RXFP1: variants seen among roughly 807,000 people sequenced by gnomAD.
RXFP1 encodes relaxin receptor 1.
Under a neutral mutation model 89.8 loss-of-function variants are expected in RXFP1, and 73 were observed. The ratio of observed to expected loss-of-function variants is 0.81; its 90% CI spans 0.67 to 0.99. RXFP1 has a LOEUF of 0.99. Among genes scored for constraint, RXFP1 ranks in the 50% least tolerant of loss-of-function variants. The probability of loss-of-function intolerance (pLI) is 0.00; values close to 1 mark genes in which losing one functional copy is unlikely to be tolerated. For synonymous variants in RXFP1, 277 were observed against 305.5 expected (o/e 0.91, Z 0.97); for missense variants, 793 against 895.5 (o/e 0.89, Z 1.46).
chr4:158,569,388 A>G (rs1239822950), intron 1 of RXFP1, among the ~76,000 whole-genome samples: 1 of 152,240 alleles, frequency 6.6e-6, no homozygotes, highest in African/African-American at 2.4e-5. Context: ...CATAGAATGT[A>G]TAACATCAAC....
intron 1 of RXFP1, among the ~76,000 whole-genome samples, chr4:158,547,897 G>A (rs563383195): frequency 1.7e-4 from 26 of 152,208 alleles, no homozygotes; most frequent in African/African-American, 5.8e-4. Context: ...GAATAGCTGT[G>A]GTGTGGTGCT....
chr4:158,545,253 A>C (rs1354904822), intron 1 of RXFP1, among the ~76,000 whole-genome samples: 1 of 152,000 alleles, frequency 6.6e-6, no homozygotes, highest in South Asian at 2.1e-4. Flanking sequence ...TCTTCTTTTG[A>C]GAAGTGTCTG....
intron 11 of RXFP1, among the ~76,000 whole-genome samples, chr4:158,632,259 T>A (rs1397276485): frequency 6.6e-6 from 1 of 152,210 alleles, no homozygotes; most frequent in African/African-American, 2.4e-5. Flanking sequence ...TTATAATATT[T>A]ATCACATTAT....
At chr4:158,562,361 A>G (rs902870117) in intron 1 of RXFP1, among the ~76,000 whole-genome samples, 1 of 150,662 alleles carries the variant, frequency 6.6e-6, no homozygotes, top group Non-Finnish European at 1.5e-5. Context: ...CGTCTCTACT[A>G]AAAATACAAA....
chr4:158,562,197 A>G (rs966536824), intron 1 of RXFP1, among the ~76,000 whole-genome samples: 1 of 152,184 alleles, frequency 6.6e-6, no homozygotes, highest in Non-Finnish European at 1.5e-5. Context: ...ACATTAAAAT[A>G]TAATGCCAAC....
In RXFP1 at chr4:158,565,094, G is replaced by T. The variant is rs76984727; in HGVS notation, c.50-7604G>T. ...GGGCTGGTGCCTGGTCCTAAACAGG[G>T]TGGGGAGAGTGCTCATGTAAGTGAG... On this transcript the variant is annotated intron_variant, in intron 1 of 17. Coordinates refer to ENST00000307765, the MANE Select transcript of RXFP1 (RefSeq NM_021634.4). Among the ~76,000 whole-genome samples, 950 of 152,312 alleles carry T rather than the reference G, an allele frequency of 6.2e-3. 33 individuals are homozygous for T. The highest frequency in any genetic ancestry group is 0.049 in the East Asian group (253 of 5,172).
At chr4:158,594,285 T>C (rs1302544319) in intron 3 of RXFP1, among the ~76,000 whole-genome samples, 1 of 152,160 alleles carries the variant, frequency 6.6e-6, no homozygotes, top group Non-Finnish European at 1.5e-5. Context: ...TTCAGGGCCC[T>C]GTTCAAATCA....
intron 1 of RXFP1, among the ~76,000 whole-genome samples, chr4:158,532,084 C>G (rs1415828650): frequency 6.6e-6 from 1 of 152,066 alleles, no homozygotes; most frequent in East Asian, 1.9e-4. Context: ...ATTTTCCCCC[C>G]CTCCTCCCCT....
At chr4:158,570,063 C>T (rs1754707858) in intron 1 of RXFP1, among the ~76,000 whole-genome samples, 1 of 152,136 alleles carries the variant, frequency 6.6e-6, no homozygotes, top group Non-Finnish European at 1.5e-5. Flanking sequence ...TTAGCTTGGA[C>T]ACTCAAACAT....
chr4:158,567,759 AACAG>A (rs1753930262), intron 1 of RXFP1, among the ~76,000 whole-genome samples: 1 of 152,146 alleles, frequency 6.6e-6, no homozygotes, highest in Non-Finnish European at 1.5e-5. Flanking sequence ...ACCCTGTCAA[AACAG>A]ACCAATCAGC....
chr4:158,522,069 TG>T, intron 1 of RXFP1, 44 bp downstream of exon 1: 1 of 1,175,116 alleles, frequency 8.5e-7, no homozygotes. Flanking sequence ...TAGTATTTTG[TG>T]GAATAACCAC....
At chr4:158,584,100 A>C (rs1228437644) in intron 2 of RXFP1, among the ~76,000 whole-genome samples, 2 of 152,166 alleles carry the variant, frequency 1.3e-5, no homozygotes, top group African/African-American at 4.8e-5. Flanking sequence ...TGTTCGAAGA[A>C]TGAGTACTGA....
At chr4:158,585,283 G>A (rs1203213970) in intron 2 of RXFP1, among the ~76,000 whole-genome samples, 2 of 152,206 alleles carry the variant, frequency 1.3e-5, no homozygotes, top group African/African-American at 4.8e-5. Context: ...AGAGGATGCA[G>A]CATTTCCCAA....
At chr4:158,540,642 AC>A (rs1252108358) in intron 1 of RXFP1, among the ~76,000 whole-genome samples, 1 of 149,838 alleles carries the variant, frequency 6.7e-6, no homozygotes, top group African/African-American at 2.5e-5. Context: ...TATTTTACCA[AC>A]CCCAATGCCT....
chr4:158,544,824 C>A (rs984846804), intron 1 of RXFP1, among the ~76,000 whole-genome samples: 3 of 152,198 alleles, frequency 2.0e-5, no homozygotes, highest in Non-Finnish European at 2.9e-5. Flanking sequence ...ATATGTGCCA[C>A]ATTTTCTTAA....
intron 6 of RXFP1, among the ~76,000 whole-genome samples, chr4:158,608,401 C>T (rs143556348): frequency 1.9e-3 from 279 of 146,098 alleles, no homozygotes; most frequent in African/African-American, 6.7e-3. Context: ...AATTCTCTGC[C>T]TCAGCCTCCC....
chr4:158,643,395 C>T (rs1320206231), intron 14 of RXFP1, among the ~76,000 whole-genome samples: 1 of 151,474 alleles, frequency 6.6e-6, no homozygotes, highest in Admixed American at 6.6e-5. Flanking sequence ...CATGGGGGTG[C>T]AGATATCTCT....
At chr4:158,627,724 A>G (rs977920431) in intron 10 of RXFP1, among the ~76,000 whole-genome samples, 3 of 152,126 alleles carry the variant, frequency 2.0e-5, no homozygotes, top group African/African-American at 7.2e-5. Context: ...AATGAGTTCC[A>G]GTTTGAACTC....
intron 11 of RXFP1, among the ~76,000 whole-genome samples, chr4:158,631,125 T>C (rs2150202398): frequency 6.6e-6 from 1 of 152,300 alleles, no homozygotes; most frequent in Middle Eastern, 3.4e-3. Flanking sequence ...ACTATCCCAT[T>C]ACATGATTCA....
Sources: gnomAD v4.1 joint callset for allele counts (sites outside exome capture counted in the v4.1 genomes callset) on GRCh38, gnomAD v4.1.1 for gene constraint, MANE v1.5 for transcripts, NCBI Gene and HGNC (gene_info 2026-07-23, HGNC 2026-07-21) for gene names.